KCNH5: variants seen among roughly 807,000 people sequenced by gnomAD.
KCNH5 encodes the protein voltage-gated delayed rectifier potassium channel KCNH5.
KCNH5 carries 46 observed loss-of-function variants against 96.1 expected under a neutral mutation model. The observed-to-expected ratio is 0.48, with a 90% CI of 0.38 to 0.61. KCNH5 has a LOEUF of 0.61. KCNH5 is among the 20% of genes least tolerant of loss of function. The pLI, the probability that KCNH5 is intolerant of heterozygous loss-of-function variation, is 0.00. For synonymous variants in KCNH5, 439 were observed against 449.8 expected (o/e 0.98, Z 0.30); for missense variants, 907 against 1,225.8 (o/e 0.74, Z 3.88).
chr14:62,759,946 C>T (rs972121373), intron 10 of KCNH5, among the ~76,000 whole-genome samples: 1 of 152,152 alleles, frequency 6.6e-6, no homozygotes, highest in Admixed American at 6.5e-5. Flanking sequence ...TTTCTTTTCT[C>T]CCCACCTGCA....
chr14:62,944,343 T>G (rs1203904520), intron 7 of KCNH5, among the ~76,000 whole-genome samples: 3 of 152,160 alleles, frequency 2.0e-5, no homozygotes, highest in Admixed American at 6.6e-5. Flanking sequence ...TCCATCAACC[T>G]TTTGATAAAA....
At chr14:62,810,867 G>T (rs773142338) in intron 8 of KCNH5, among the ~76,000 whole-genome samples, 1 of 151,800 alleles carries the variant, frequency 6.6e-6, no homozygotes, top group Non-Finnish European at 1.5e-5. Flanking sequence ...ATGTGGACTC[G>T]CCCTGAATTC....
intron 7 of KCNH5, among the ~76,000 whole-genome samples, chr14:62,850,532 A>T (rs1387089842): frequency 6.6e-6 from 1 of 152,136 alleles, no homozygotes; most frequent in Non-Finnish European, 1.5e-5. Context: ...TTAAATGTAA[A>T]GTTAGCCCAC....
rs574732977 is a variant in KCNH5 at position 62,705,749 on chromosome 14, A to G, written c.*1759T>C. 6.6e-6 allele frequency: 1 copy of G among 152,108 alleles called. No homozygotes were observed. Among genetic ancestry groups the G allele is most frequent in the Non-Finnish European group, 1.5e-5 (1 of 67,932 alleles). 9.4% of individuals were successfully genotyped at this position (152,108 alleles called of 1,614,324 possible). A position where few individuals can be genotyped will look rare whatever the true frequency, so the allele number is the denominator to read the frequency against. On this transcript the variant is annotated 3_prime_UTR_variant, in exon 11 of 11. Transcript: ENST00000322893. ...TTTGCACTTCTCAAGTCTGAATGTGATAACATGTCTTTCAGTTCTAGTGGC... is the reference window on the plus strand; with the variant it reads ...TTTGCACTTCTCAAGTCTGAATGTGGTAACATGTCTTTCAGTTCTAGTGGC...
chr14:62,781,241 C>T (rs989607174), intron 9 of KCNH5, among the ~76,000 whole-genome samples: 2 of 151,922 alleles, frequency 1.3e-5, no homozygotes, highest in South Asian at 2.1e-4. Flanking sequence ...AGGGAGTGTG[C>T]GAATAGGTGT....
At chr14:62,958,968 T>A (rs114318780) in intron 6 of KCNH5, among the ~76,000 whole-genome samples, 2,286 of 152,148 alleles carry the variant, frequency 0.015, 57 homozygotes, top group African/African-American at 0.052. Context: ...ACATCTCATG[T>A]CCCTCTCATT....
intron 7 of KCNH5, among the ~76,000 whole-genome samples, chr14:62,853,922 G>A (rs1003319124): frequency 1.9e-4 from 28 of 149,916 alleles, no homozygotes; most frequent in East Asian, 2.0e-4. Flanking sequence ...CAGGAGAATC[G>A]CTTGAACCCG....
At chr14:62,755,857 T>C (rs991995337) in intron 10 of KCNH5, among the ~76,000 whole-genome samples, 2 of 151,938 alleles carry the variant, frequency 1.3e-5, no homozygotes, top group East Asian at 3.9e-4. Context: ...GGAAAAAAAA[T>C]TACATGATCA....
At chr14:62,831,179 CT>C (rs1026838919) in intron 8 of KCNH5, among the ~76,000 whole-genome samples, 93 of 152,314 alleles carry the variant, frequency 6.1e-4, no homozygotes, top group African/African-American at 2.2e-3. Flanking sequence ...AACAAAACAT[CT>C]CTCTTCCTCT....
intron 7 of KCNH5, among the ~76,000 whole-genome samples, chr14:62,932,362 C>T (rs977515926): frequency 6.6e-6 from 1 of 150,574 alleles, no homozygotes; most frequent in Admixed American, 6.6e-5. Context: ...TGGAAATTAA[C>T]GTAGGCAAGC....
intron 10 of KCNH5, among the ~76,000 whole-genome samples, chr14:62,735,408 G>A (rs1301441546): frequency 1.3e-5 from 2 of 152,118 alleles, no homozygotes; most frequent in East Asian, 3.8e-4. Context: ...CCCTTGAACT[G>A]AACATATGGA....
At chr14:62,834,779 A>C (rs186272236) in intron 8 of KCNH5, among the ~76,000 whole-genome samples, 2 of 152,086 alleles carry the variant, frequency 1.3e-5, no homozygotes, top group Admixed American at 1.3e-4. Flanking sequence ...GGTATGTGAG[A>C]AAAAATGGAA....
intron 10 of KCNH5, among the ~76,000 whole-genome samples, chr14:62,771,474 A>C (rs1456625291): frequency 6.6e-6 from 1 of 152,082 alleles, no homozygotes; most frequent in African/African-American, 2.4e-5. Flanking sequence ...CAAAACAAAA[A>C]ATTAGCCGGG....
chr14:62,947,743 C>T (rs1486667363), intron 7 of KCNH5, among the ~76,000 whole-genome samples: 3 of 147,168 alleles, frequency 2.0e-5, no homozygotes, highest in East Asian at 2.0e-4. Flanking sequence ...ACACAAAAAC[C>T]GATGACCATG....
chr14:62,893,938 C>A (rs1888760543), intron 7 of KCNH5, among the ~76,000 whole-genome samples: 1 of 152,154 alleles, frequency 6.6e-6, no homozygotes, highest in Admixed American at 6.5e-5. Flanking sequence ...GCCACCTTAA[C>A]CTTCAGCAAT....
chr14:62,909,736 A>G (rs1474849961), intron 7 of KCNH5, among the ~76,000 whole-genome samples: 1 of 151,776 alleles, frequency 6.6e-6, no homozygotes, highest in African/African-American at 2.4e-5. Flanking sequence ...CACACAGTCT[A>G]TTTGTCCAGA....
chr14:62,839,095 G>A (rs1391377523), intron 8 of KCNH5, among the ~76,000 whole-genome samples: 1 of 152,094 alleles, frequency 6.6e-6, no homozygotes, highest in Non-Finnish European at 1.5e-5. Flanking sequence ...ATATGTGGAT[G>A]ATGTAATACA....
intron 7 of KCNH5, among the ~76,000 whole-genome samples, chr14:62,918,768 G>T (rs573675353): frequency 1.3e-5 from 2 of 152,138 alleles, no homozygotes; most frequent in South Asian, 4.1e-4. Flanking sequence ...TATGTCAGTA[G>T]ACTGTTAAGT....
chr14:62,730,103 T>C (rs1885018428), intron 10 of KCNH5, among the ~76,000 whole-genome samples: 1 of 152,234 alleles, frequency 6.6e-6, no homozygotes, highest in African/African-American at 2.4e-5. Flanking sequence ...ATATAAACTT[T>C]TTTATAAAAT....
Sources: gnomAD v4.1 joint callset for allele counts (sites outside exome capture counted in the v4.1 genomes callset) on GRCh38, gnomAD v4.1.1 for gene constraint, MANE v1.5 for transcripts, NCBI Gene and HGNC (gene_info 2026-07-23, HGNC 2026-07-21) for gene names.